Variants in HERPUD2 observed in about 807,000 individuals in gnomAD.
HERPUD2 encodes the protein homocysteine-responsive endoplasmic reticulum-resident ubiquitin-like domain member 2 protein.
Under a neutral mutation model 49.9 loss-of-function variants are expected in HERPUD2, and 13 were observed. The observed-to-expected ratio is 0.26, with a 90% CI of 0.17 to 0.41. The LOEUF (loss-of-function observed/expected upper bound fraction) is 0.41, where lower values mean the gene tolerates loss of function less well. HERPUD2 is among the 10% of genes least tolerant of loss of function. HERPUD2 has a pLI of 1.00. For synonymous variants in HERPUD2, 172 were observed against 171.4 expected, an observed-to-expected ratio of 1.00 and a Z score of -0.03; for missense variants, 449 against 492.2, an observed-to-expected ratio of 0.91 and a Z score of 0.83.
intron 5 of HERPUD2, among the ~76,000 whole-genome samples, chr7:35,647,352 AT>A (rs1335113595): frequency 6.6e-6 from 1 of 151,946 alleles, no homozygotes; most frequent in Non-Finnish European, 1.5e-5. Flanking sequence ...CTCCCTCAGC[AT>A]TTTTTTCGAG....
chr7:35,667,481 T>C lies in HERPUD2; in HGVS notation c.447A>G (p.Ala149=). The C allele has an allele frequency of 6.2e-7, 1 of 1,614,054 alleles. No individual in the cohort carries two copies. The highest frequency in any genetic ancestry group is 8.5e-7 in the Non-Finnish European group (1 of 1,179,916). Residue 149 remains alanine, a synonymous_variant, in exon 5 of 9, where the codon GCA becomes GCG. Transcript: ENST00000311350. ...EGLRQRTLPQ[A]QTDQAQSHQF... ...GGTGACTCTGTGCTTGGTCAGTTTG[T>C]GCTTGTGGAAGGGTACGCTGCCTCA...
Position 35,695,026 on chromosome 7 carries a change from A to T in HERPUD2, c.-523T>A, listed in dbSNP as rs1255602455. 4.7e-5 allele frequency: 6 copies of T among 127,250 alleles called. No homozygotes were observed. The East Asian group carries it at 1.2e-3, about 26-fold the overall frequency. 7.9% of individuals were successfully genotyped at this position (127,250 alleles called of 1,614,324 possible). A position where few individuals can be genotyped will look rare whatever the true frequency, so the allele number is the denominator to read the frequency against. ...CCTGACCCCTCAGTCTGGACAGCGC[A>T]GGGTGGCGGCAAGGCAGGGCTGGGC... is the stretch of plus-strand genomic sequence containing the variant. On this transcript the variant is annotated 5_prime_UTR_variant, in exon 1 of 9. Coordinates refer to ENST00000311350, the MANE Select transcript of HERPUD2 (RefSeq NM_022373.5).
At chr7:35,685,703 T>G (rs563241173) in intron 2 of HERPUD2, among the ~76,000 whole-genome samples, 74 of 152,038 alleles carry the variant, frequency 4.9e-4, no homozygotes, top group African/African-American at 1.7e-3. Flanking sequence ...CAGGGCTGGG[T>G]GCAGTGGTTC....
chr7:35,638,455 A>C lies in HERPUD2; in HGVS notation c.512T>G (p.Phe171Cys). ...YVMQGNVDNQ[F>C]PGQAAPPGFP... ...TCCAGGTGGAGCAGCTTGCCCAGGA[A>C]ATTGGTTGTCTACATTTCTGCAAGA... Residue 171 changes from phenylalanine to cysteine, a missense_variant, in exon 6 of 9, where the codon TTT (phenylalanine) becomes TGT (cysteine). Physicochemically the swap from Phe to Cys is radical, Grantham distance 205 (BLOSUM62 -2). Coordinates refer to ENST00000311350, the MANE Select transcript of HERPUD2 (RefSeq NM_022373.5). The C allele has an allele frequency of 6.2e-7, 1 of 1,613,262 alleles. No homozygotes were observed. Among genetic ancestry groups the C allele is most frequent in the African/African-American group, 1.3e-5 (1 of 75,046 alleles).
At chr7:35,678,632 T>C (rs1785816314) in intron 2 of HERPUD2, among the ~76,000 whole-genome samples, 1 of 152,134 alleles carries the variant, frequency 6.6e-6, no homozygotes, top group Non-Finnish European at 1.5e-5. Context: ...CATTTATAAA[T>C]CACAAAAGGA....
At chr7:35,650,520 A>T (rs565337926) in intron 5 of HERPUD2, among the ~76,000 whole-genome samples, 17 of 152,046 alleles carry the variant, frequency 1.1e-4, no homozygotes, top group African/African-American at 4.1e-4. Flanking sequence ...TCAGAGTCCA[A>T]CCCCCAGCGG....
chr7:35,663,500 G>A (rs1424002995), intron 5 of HERPUD2, among the ~76,000 whole-genome samples: 2 of 151,994 alleles, frequency 1.3e-5, no homozygotes, highest in Non-Finnish European at 2.9e-5. Flanking sequence ...TTGACAGTGG[G>A]GTGTTAAAGT....
chr7:35,657,921 C>CAA (rs777981296), intron 5 of HERPUD2, among the ~76,000 whole-genome samples: 7 of 129,140 alleles, frequency 5.4e-5, no homozygotes, highest in African/African-American at 2.0e-4. Context: ...GACTCTGTCT[C>CAA]AAAAAAAAAA....
At position 35,682,353 on chromosome 7, in the gene HERPUD2, GTGTGTATATATA is replaced by G. The variant is rs1398567021; in HGVS notation, c.148-9087_148-9076del. Reference sequence around the variant, plus strand: ...TGTGTGTGTGTGTGTGTGTGTGTGTGTGTGTATATATATATATATATATATATATATATACTT... The same window carrying G: ...TGTGTGTGTGTGTGTGTGTGTGTGTGTATATATATATATATATATATACTT... On this transcript the variant is annotated intron_variant, in intron 2 of 8. Coordinates refer to ENST00000311350, the MANE Select transcript of HERPUD2 (RefSeq NM_022373.5). Among the ~76,000 whole-genome samples the G allele has an allele frequency of 8.7e-4, 24 of 27,590 alleles. 5 individuals are homozygous for G. The highest frequency in any genetic ancestry group is 4.7e-3 in the East Asian group (5 of 1,058). The allele number at this position is 27,590 out of a possible 152,430, so 18.1% of individuals were successfully genotyped here.
chr7:35,657,993 T>C (rs1224991271), intron 5 of HERPUD2, among the ~76,000 whole-genome samples: 1 of 152,100 alleles, frequency 6.6e-6, no homozygotes, highest in African/African-American at 2.4e-5. Flanking sequence ...ACTAGCTGGC[T>C]ATTTATCCAA....
chr7:35,643,390 C>T (rs573820713), intron 5 of HERPUD2, among the ~76,000 whole-genome samples: 79 of 152,210 alleles, frequency 5.2e-4, no homozygotes, highest in African/African-American at 1.9e-3. Context: ...TTGCAAATAA[C>T]TCAAATATTT....
chr7:35,665,518 C>T (rs550435056), intron 5 of HERPUD2, among the ~76,000 whole-genome samples: 6 of 152,344 alleles, frequency 3.9e-5, no homozygotes, highest in South Asian at 2.1e-4. Flanking sequence ...CAGTCTCTCA[C>T]GGCTTCCCTT....
intron 2 of HERPUD2, among the ~76,000 whole-genome samples, chr7:35,684,096 G>T (rs1220567225): frequency 6.6e-6 from 1 of 152,162 alleles, no homozygotes; most frequent in Non-Finnish European, 1.5e-5. Flanking sequence ...ATACAAAAAA[G>T]ATATTTGTGG....
intron 5 of HERPUD2, among the ~76,000 whole-genome samples, chr7:35,652,007 GCAAA>G (rs1188993122): frequency 6.6e-6 from 1 of 152,100 alleles, no homozygotes; most frequent in Non-Finnish European, 1.5e-5. Context: ...TCATCCAGAG[GCAAA>G]ACTCCTTATC....
At chr7:35,688,236 A>C (rs758918459) in intron 2 of HERPUD2, among the ~76,000 whole-genome samples, 16 of 152,218 alleles carry the variant, frequency 1.1e-4, no homozygotes, top group Non-Finnish European at 1.9e-4. Flanking sequence ...TTCCCACTAA[A>C]AGCATCCAAT....
chr7:35,668,305 A>G (rs1171198642), intron 4 of HERPUD2, among the ~76,000 whole-genome samples: 11 of 152,138 alleles, frequency 7.2e-5, no homozygotes, highest in Non-Finnish European at 1.3e-4. Flanking sequence ...GTTAATCAGT[A>G]TTTTTTTATT....
intron 5 of HERPUD2, among the ~76,000 whole-genome samples, chr7:35,645,325 T>C (rs1785032461): frequency 6.6e-6 from 1 of 152,210 alleles, no homozygotes; most frequent in Admixed American, 6.5e-5. Flanking sequence ...GGCTTCCCTA[T>C]AGTCATAGAT....
chr7:35,659,000 A>C (rs1220171894), intron 5 of HERPUD2, among the ~76,000 whole-genome samples: 1 of 152,210 alleles, frequency 6.6e-6, no homozygotes, highest in Admixed American at 6.5e-5. Flanking sequence ...AGGGACCAGA[A>C]ATGAGCAATT....
At chr7:35,675,760 CT>C (rs561642545) in intron 2 of HERPUD2, among the ~76,000 whole-genome samples, 1 of 151,846 alleles carries the variant, frequency 6.6e-6, no homozygotes, top group East Asian at 1.9e-4. Context: ...GTATTTTAAT[CT>C]TTTTTTTAAA....
Sources: gnomAD v4.1 joint callset for allele counts (sites outside exome capture counted in the v4.1 genomes callset) on GRCh38, gnomAD v4.1.1 for gene constraint, MANE v1.5 for transcripts, NCBI Gene and HGNC (gene_info 2026-07-23, HGNC 2026-07-21) for gene names.